Variants in NYX observed in about 807,000 individuals in gnomAD.
NYX encodes nyctalopin, also known as leucine-rich repeat protein.
For synonymous variants in NYX, 258 were observed against 245.7 expected, an observed-to-expected ratio of 1.05 and a Z score of -0.47; for missense variants, 481 against 485.4, an observed-to-expected ratio of 0.99 and a Z score of 0.09.
Position 41,475,046 on chromosome X carries a change from C to G in NYX, c.*147C>G. ...TCCAGAGATGGCCCCAGGGAGAACA[C>G]AGGGACGTGCCACTCGAGGGGGAGG... is the stretch of plus-strand genomic sequence containing the variant. On this transcript the variant is annotated 3_prime_UTR_variant, in exon 3 of 3. Coordinates refer to ENST00000378220, the MANE Select transcript of NYX (RefSeq NM_001378477.3). 1.9e-6 allele frequency: 1 copy of G among 520,888 alleles called. No individual in the cohort carries two copies. Among genetic ancestry groups the G allele is most frequent in the Middle Eastern group, 4.1e-4 (1 of 2,467 alleles). 42.9% of individuals were successfully genotyped at this position (520,888 alleles called of 1,213,427 possible).
intron 2 of NYX, among the ~76,000 whole-genome samples, chrX:41,460,876 A>ATTCTTTTTTTTTTTTTTTTTT (rs1335308569): frequency 1.2e-4 from 3 of 24,781 alleles, no homozygotes; most frequent in African/African-American, 3.0e-4. Context: ...CACAGTATGT[A>ATTCTTTTTTTTTTTTTTTTTT]TTTTTTTTTT....
intron 2 of NYX, among the ~76,000 whole-genome samples, chrX:41,464,697 T>G (rs867295848): frequency 6.1e-5 from 3 of 49,515 alleles, no homozygotes; most frequent in Non-Finnish European, 1.2e-4. Flanking sequence ...GTGTGTGTGT[T>G]TTATGTTACT....
At chrX:41,447,587 G>A (rs1431591511) in intron 1 of NYX, 71 bp downstream of exon 1, 1 of 366,609 alleles carries the variant, frequency 2.7e-6, no homozygotes, top group Non-Finnish European at 4.8e-6. Context: ...TTTCCTTGCT[G>A]GGTTGTCAGT....
intron 2 of NYX, among the ~76,000 whole-genome samples, chrX:41,455,522 G>A (rs1354065812): frequency 2.7e-5 from 3 of 109,945 alleles, no homozygotes; most frequent in Non-Finnish European, 3.8e-5. Flanking sequence ...TTTTAAGACC[G>A]AATGTTCTGG....
chrX:41,471,031 G>A (rs1447623638), intron 2 of NYX, among the ~76,000 whole-genome samples: 1 of 111,712 alleles, frequency 9.0e-6, no homozygotes, highest in East Asian at 2.8e-4. Context: ...TTTTATTTCT[G>A]TAACTGGTTA....
At chrX:41,469,745 C>T (rs2064352594) in intron 2 of NYX, among the ~76,000 whole-genome samples, 1 of 110,042 alleles carries the variant, frequency 9.1e-6, no homozygotes, top group South Asian at 3.9e-4. Context: ...CAGGGTTTCA[C>T]CATGTTGGCC....
Position 41,474,168 on chromosome X carries a change from G to C in NYX, c.700G>C (p.Asp234His). 8.7e-7 allele frequency: 1 copy of C among 1,152,478 alleles called. No homozygotes were observed. The allele number at this position is 1,152,478 out of a possible 1,213,427, so 95.0% of individuals were successfully genotyped here. The change falls in exon 3 of 3, where the codon GAC (aspartate) becomes CAC (histidine). Residue 234 changes from aspartate (D) to histidine (H), a missense_variant. Physicochemically the swap from Asp to His is moderately conservative, Grantham distance 81. Coordinates refer to ENST00000378220, the MANE Select transcript of NYX (RefSeq NM_001378477.3). ...CGTCCTGGAGCATCTGCTGCTCAAC[G>C]ACAACCTGCTGGCCGAGCTCCCGGC... The part of the protein sequence containing the change: ...CGVLEHLLLN[D>H]NLLAELPADA...
At chrX:41,455,969 C>T (rs1412906064) in intron 2 of NYX, among the ~76,000 whole-genome samples, 4 of 111,035 alleles carry the variant, frequency 3.6e-5, no homozygotes, top group Admixed American at 9.7e-5. Context: ...TTCCTGTCAG[C>T]GAATGGGGAG....
intron 2 of NYX, chrX:41,472,560 C>T (rs982420438): frequency 1.8e-6 from 1 of 542,847 alleles, no homozygotes; most frequent in South Asian, 2.8e-5. Context: ...TACAGGGGGG[C>T]TCTGCGTCCA....
intron 2 of NYX, among the ~76,000 whole-genome samples, chrX:41,470,551 G>A (rs1391999018): frequency 6.4e-5 from 7 of 109,402 alleles, no homozygotes; most frequent in African/African-American, 1.7e-4. Flanking sequence ...AAAATTAGCC[G>A]GGTGTGGTGG....
At chrX:41,462,343 G>A in intron 2 of NYX, among the ~76,000 whole-genome samples, 1 of 111,796 alleles carries the variant, frequency 8.9e-6, no homozygotes, top group Middle Eastern at 4.6e-3. Context: ...TATAAGGTAG[G>A]CATATGTTTA....
At chrX:41,460,768 G>T (rs1305274220) in intron 2 of NYX, among the ~76,000 whole-genome samples, 1 of 105,651 alleles carries the variant, frequency 9.5e-6, no homozygotes, top group African/African-American at 3.5e-5. Context: ...TCTCCCTCCT[G>T]CCCTTCTTTG....
intron 2 of NYX, among the ~76,000 whole-genome samples, chrX:41,472,839 C>T (rs1449880958): frequency 3.6e-5 from 4 of 111,842 alleles, no homozygotes. Context: ...CACTCTGTCG[C>T]CCAGGCTAGA....
chrX:41,462,350 T>A (rs768191569), intron 2 of NYX, among the ~76,000 whole-genome samples: 8 of 111,956 alleles, frequency 7.1e-5, no homozygotes, highest in Non-Finnish European at 1.1e-4. Context: ...TAGGCATATG[T>A]TTAACTTTTA....
intron 2 of NYX, among the ~76,000 whole-genome samples, chrX:41,450,047 TG>T (rs2064273173): frequency 9.0e-6 from 1 of 111,152 alleles, no homozygotes; most frequent in South Asian, 3.8e-4. Context: ...CAGGGAAATT[TG>T]GGGCAAGAGA....
intron 2 of NYX, among the ~76,000 whole-genome samples, chrX:41,464,715 T>G (rs954047462): frequency 7.4e-5 from 8 of 108,787 alleles, no homozygotes; most frequent in African/African-American, 2.7e-4. Context: ...ACTTGGGGCT[T>G]GCTAAGCTTC....
intron 2 of NYX, among the ~76,000 whole-genome samples, chrX:41,468,975 T>G (rs897953026): frequency 9.0e-6 from 1 of 111,294 alleles, no homozygotes; most frequent in Non-Finnish European, 1.9e-5. Context: ...GGAAGCTTGG[T>G]GTCTATCTCA....
intron 2 of NYX, 130 bp downstream of exon 2, chrX:41,448,056 C>CCTGATAGTGA: frequency 1.6e-6 from 1 of 640,463 alleles, no homozygotes; most frequent in Non-Finnish European, 2.5e-6. Flanking sequence ...GTTTCACTGA[C>CCTGATAGTGA]CCTGTGATCG....
chrX:41,473,359 A>G, intron 2 of NYX, 132 bp from the exon 3 acceptor site: 1 of 763,264 alleles, frequency 1.3e-6, no homozygotes, highest in Non-Finnish European at 1.6e-6. Flanking sequence ...CTGACACAAG[A>G]TAACTCGGTG....
Sources: allele counts gnomAD v4.1 joint callset (sites outside exome capture counted in the v4.1 genomes callset), GRCh38; gene constraint gnomAD v4.1.1; transcripts MANE v1.5; gene names NCBI Gene and HGNC (gene_info 2026-07-23, HGNC 2026-07-21).